SCRT1: variants seen among roughly 807,000 people sequenced by gnomAD.
The protein encoded by SCRT1 is scratch family transcriptional repressor 1.
SCRT1 carries 1 observed loss-of-function variant against 3.4 expected under a neutral mutation model. The ratio of observed to expected loss-of-function variants is 0.29; its 90% confidence interval spans 0.10 to 1.39. SCRT1 has a LOEUF of 1.39. SCRT1 is among the 40% of genes most tolerant of loss of function. SCRT1 has a pLI of 0.42. For synonymous variants in SCRT1, 238 were observed against 247.0 expected (o/e 0.96, Z 0.34); for missense variants, 380 against 526.3 (o/e 0.72, Z 2.72).
chr8:144,334,290 A>T (rs2130572826), intron 1 of SCRT1, among the ~76,000 whole-genome samples, 174 bp from the exon 2 acceptor site: 1 of 151,858 alleles, frequency 6.6e-6, no homozygotes, highest in East Asian at 2.0e-4. Context: ...GGCAGGGAGG[A>T]TGGAGACAGC....
rs1817768279 is a variant in SCRT1 at position 144,331,917 on chromosome 8, G to A, written c.*1268C>T. ...CAGCCCCGGGTAGGATCGGGAGGAG[G>A]GGTGGGGCTGCATGCAGTGACGTCA... is the stretch of plus-strand genomic sequence containing the variant. On this transcript the variant is annotated 3_prime_UTR_variant, in exon 2 of 2. Coordinates refer to ENST00000569446, the MANE Select transcript of SCRT1 (RefSeq NM_031309.6). 1 of 152,504 alleles carries A rather than the reference G, an allele frequency of 6.6e-6. No individual in the cohort carries two copies. The highest frequency in any genetic ancestry group is 2.1e-4 in the South Asian group (1 of 4,836). 9.4% of individuals were successfully genotyped at this position (152,504 alleles called of 1,614,324 possible). A position where few individuals can be genotyped will look rare whatever the true frequency, so the allele number is the denominator to read the frequency against.
In SCRT1 at chr8:144,333,415, C is replaced by T. The variant is rs782231338; in HGVS notation, c.817G>A (p.Glu273Lys). 1.9e-6 allele frequency: 3 copies of T among 1,603,510 alleles called. No individual in the cohort carries two copies. Among genetic ancestry groups the T allele is most frequent in the Non-Finnish European group, 2.5e-6 (3 of 1,176,740 alleles). The stretch of plus-strand genomic sequence containing the variant: ...CAGTGCGCGCAGCCGAAGGGTTTCT[C>T]GCCGGTGTGCGAGCGCATGTGGCCC... ...LQGHMRSHTG[E>K]KPFGCAHCGK... The change falls in exon 2 of 2, where the codon GAG becomes AAG. Residue 273 changes from glutamate (E) to lysine (K), a missense_variant. By Grantham distance (56) the Glu-to-Lys change is moderately conservative (BLOSUM62 1). Around this residue, in one of 5 missense-constraint regions of SCRT1, gnomAD observed 56 missense variants for 169.3 expected, o/e 0.33. Transcript: ENST00000569446.
In SCRT1 at chr8:144,331,193, C is replaced by T. The variant is rs1476828747; in HGVS notation, c.*1992G>A. 6.6e-6 allele frequency: 1 copy of T among 152,366 alleles called. No homozygotes were observed. The highest frequency in any genetic ancestry group is 1.5e-5 in the Non-Finnish European group (1 of 68,114). The allele number at this position is 152,366 out of a possible 1,614,324, so 9.4% of individuals were successfully genotyped here. A position where few individuals can be genotyped will look rare whatever the true frequency, so the allele number is the denominator to read the frequency against. ...GGTGGGTCATCCTTGTGGGGGCAGC[C>T]ACGCTTGCTGCTGGGGGTGAGGCTG... On this transcript the variant is annotated 3_prime_UTR_variant, in exon 2 of 2. Transcript: ENST00000569446.
chr8:144,334,795 C>T (rs1817861528), intron 1 of SCRT1, among the ~76,000 whole-genome samples: 1 of 152,120 alleles, frequency 6.6e-6, no homozygotes, highest in African/African-American at 2.4e-5. Flanking sequence ...CCTGCTCCTC[C>T]ATGCACTCTG....
intron 1 of SCRT1, among the ~76,000 whole-genome samples, chr8:144,334,627 C>T (rs1554850157): frequency 6.6e-6 from 1 of 152,108 alleles, no homozygotes; most frequent in African/African-American, 2.4e-5. Flanking sequence ...GGCTCTCCCT[C>T]TGGCCTGCAG....
intron 1 of SCRT1, 120 bp from the exon 2 acceptor site, chr8:144,334,236 C>T: frequency 1.3e-6 from 1 of 747,478 alleles, no homozygotes; most frequent in East Asian, 3.2e-5. Context: ...GGGAGAGAGG[C>T]GAACAGGGAG....
chr8:144,334,260 A>G, intron 1 of SCRT1, 144 bp from the exon 2 acceptor site: 1 of 614,594 alleles, frequency 1.6e-6, no homozygotes, highest in Non-Finnish European at 2.8e-6. Context: ...GACAAAGGAG[A>G]GGAGGCCGAG....
rs1401701480 is a variant in SCRT1, at chr8:144,335,505, TC to T, written c.115+549del. ...TGGGCGTCCCTTGCTCACAGCCTCC[TC>T]CCTGCTTCCTCTCCCTGACCCAGGC... is the stretch of plus-strand genomic sequence containing the variant. On this transcript the variant is annotated intron_variant, in intron 1 of 1. Coordinates refer to ENST00000569446, the MANE Select transcript of SCRT1 (RefSeq NM_031309.6). The surrounding 1 kb of genome is among the most constrained non-coding windows in gnomAD (Gnocchi z 7.7). 6.6e-6 allele frequency among the ~76,000 whole-genome samples: 1 copy of T among 152,144 alleles called. No homozygotes were observed.
Position 144,333,242 on chromosome 8 carries a change from G to A in SCRT1, c.990C>T (p.Gly330=), listed in dbSNP as rs782513578. The A allele has an allele frequency of 4.4e-6, 7 of 1,605,270 alleles. No individual in the cohort carries two copies. The highest frequency in any genetic ancestry group is 1.1e-5 in the South Asian group (1 of 89,986). ...CAGGAGCCGCGGGGCCTCCGGCGCC[G>A]CCCTTGAAGCAGGCCGACTCGTAGT... The part of the protein sequence containing the change: ...NKHYESACFK[G]GAGGPAAPAP... Residue 330 remains glycine (G), a synonymous_variant, in exon 2 of 2, where the codon GGC becomes GGT. Transcript: ENST00000569446.
Position 144,333,798 on chromosome 8 carries a change from G to T in SCRT1, c.434C>A (p.Pro145His). 8.2e-7 allele frequency: 1 copy of T among 1,215,546 alleles called. No homozygotes were observed. The highest frequency in any genetic ancestry group is 1.0e-6 in the Non-Finnish European group (1 of 978,048). 75.3% of individuals were successfully genotyped at this position (1,215,546 alleles called of 1,614,324 possible). A position where few individuals can be genotyped will look rare whatever the true frequency, so the allele number is the denominator to read the frequency against. ...GCCCCCGCCTCCGGCGTCGCCGTCG[G>T]GGGCCGCCGCCGAGGCTGTGGAGGG... ...AAPSTASAAA[P>H]DGDAGGGGGA... is the part of the protein sequence containing the mutation. The change falls in exon 2 of 2, where the codon CCC becomes CAC. Residue 145 changes from proline (P) to histidine (H), a missense_variant. By Grantham distance (77) the Pro-to-His change is moderately conservative (BLOSUM62 -2). Coordinates refer to ENST00000569446, the MANE Select transcript of SCRT1 (RefSeq NM_031309.6).
At position 144,330,724 on chromosome 8, in the gene SCRT1, G is replaced by A. The variant is rs797041118; in HGVS notation, c.*2461C>T. ...GGGGCACGGCCCGAGTAAAAATCCC[G>A]GCCTATTCCGGGTGGGAATATGTAC... On this transcript the variant is annotated 3_prime_UTR_variant, in exon 2 of 2. Coordinates refer to ENST00000569446, the MANE Select transcript of SCRT1 (RefSeq NM_031309.6). 6 of 148,538 alleles carry A rather than the reference G, an allele frequency of 4.0e-5. No homozygotes were observed. Among genetic ancestry groups the A allele is most frequent in the African/African-American group, 7.4e-5 (3 of 40,642 alleles). 9.2% of individuals were successfully genotyped at this position (148,538 alleles called of 1,614,324 possible). A position where few individuals can be genotyped will look rare whatever the true frequency, so the allele number is the denominator to read the frequency against.
At chr8:144,334,208 A>ACCGGGAGACCCGGGT (rs1817851317) in intron 1 of SCRT1, 92 bp from the exon 2 acceptor site, 2 of 942,230 alleles carry the variant, frequency 2.1e-6, no homozygotes, top group Non-Finnish European at 3.1e-6. Context: ...GCAGACGCGG[A>ACCGGGAGACCCGGGT]CCGGGAGACC....
rs781875190 is a variant in SCRT1, at chr8:144,336,199, C to G, written c.-30G>C. ...CCTGCGGGGCTCCGGCGCTGTGGGC[C>G]TGCGGAGCCGGGGCTTGGGGGGGCT... On this transcript the variant is annotated 5_prime_UTR_variant, in exon 1 of 2. Transcript: ENST00000569446. This position sits in a 1 kb window ranked among gnomAD's most constrained non-coding sequence, Gnocchi z 6.8. The G allele has an allele frequency of 2.3e-5, 35 of 1,510,018 alleles. No homozygotes were observed. Among genetic ancestry groups the G allele is most frequent in the Middle Eastern group, 1.7e-4 (1 of 5,716 alleles). The allele number at this position is 1,510,018 out of a possible 1,614,324, so 93.5% of individuals were successfully genotyped here.
rs1344495686 is a variant in SCRT1 at position 144,333,260 on chromosome 8, C to T, written c.972G>A (p.Glu324=). The T allele has an allele frequency of 5.6e-6, 9 of 1,611,212 alleles. No homozygotes were observed. The highest frequency in any genetic ancestry group is 1.6e-4 in the Middle Eastern group (1 of 6,082). ...CGGCGCCGCCCTTGAAGCAGGCCGA[C>T]TCGTAGTGCTTGTTGAGATAGGACT... The part of the protein sequence containing the change: ...ALKSYLNKHY[E]SACFKGGAGG... The change falls in exon 2 of 2, where the codon GAG becomes GAA. Residue 324 remains glutamate, a synonymous_variant. Coordinates refer to ENST00000569446, the MANE Select transcript of SCRT1 (RefSeq NM_031309.6).
Position 144,336,361 on chromosome 8 carries a change from C to T in SCRT1, c.-192G>A. On this transcript the variant is annotated 5_prime_UTR_variant, in exon 1 of 2. Coordinates refer to ENST00000569446, the MANE Select transcript of SCRT1 (RefSeq NM_031309.6). The surrounding 1 kb of genome is among the most constrained non-coding windows in gnomAD (Gnocchi z 6.8). ...GTCTCCTCCGTTGCCCCTCCGGATC[C>T]CTCTTCTTCCTCCTTCCTTCAATCC... 2 of 516,160 alleles carry T rather than the reference C, an allele frequency of 3.9e-6. No individual in the cohort carries two copies. The highest frequency in any genetic ancestry group is 6.9e-6 in the Non-Finnish European group (2 of 289,266). 32.0% of individuals were successfully genotyped at this position (516,160 alleles called of 1,614,324 possible). A position where few individuals can be genotyped will look rare whatever the true frequency, so the allele number is the denominator to read the frequency against.
At position 144,332,486 on chromosome 8, in the gene SCRT1, T is replaced by C. The variant is rs1817790678; in HGVS notation, c.*699A>G. Reference sequence around the variant, plus strand: ...GCGATTCGATATGTGTCATTATTATTCGATATGGAGGACAGAGCCCGGGAA... The same window carrying C: ...GCGATTCGATATGTGTCATTATTATCCGATATGGAGGACAGAGCCCGGGAA... On this transcript the variant is annotated 3_prime_UTR_variant, in exon 2 of 2. Coordinates refer to ENST00000569446, the MANE Select transcript of SCRT1 (RefSeq NM_031309.6). The C allele has an allele frequency of 1.3e-5, 2 of 152,528 alleles. No individual in the cohort carries two copies. The highest frequency in any genetic ancestry group is 2.9e-5 in the Non-Finnish European group (2 of 68,022). 9.4% of individuals were successfully genotyped at this position (152,528 alleles called of 1,614,324 possible). A position where few individuals can be genotyped will look rare whatever the true frequency, so the allele number is the denominator to read the frequency against.
At chr8:144,334,227 G>T in intron 1 of SCRT1, 111 bp from the exon 2 acceptor site, 2 of 821,898 alleles carry the variant, frequency 2.4e-6, no homozygotes, top group Admixed American at 2.6e-5. Context: ...CCCGGGTCCG[G>T]GAGAGAGGCG....
At position 144,332,264 on chromosome 8, in the gene SCRT1, G is replaced by T. The variant is rs2130567221; in HGVS notation, c.*921C>A. The T allele has an allele frequency of 6.6e-6, 1 of 152,406 alleles. No individual in the cohort carries two copies. The highest frequency in any genetic ancestry group is 2.4e-5 in the African/African-American group (1 of 41,542). The allele number at this position is 152,406 out of a possible 1,614,324, so 9.4% of individuals were successfully genotyped here. ...AATAAAACGTACAAATACAGAAAAAGAAACCCGACGCGTCCGCAACCCCCC... is the reference window on the plus strand; with the variant it reads ...AATAAAACGTACAAATACAGAAAAATAAACCCGACGCGTCCGCAACCCCCC... On this transcript the variant is annotated 3_prime_UTR_variant, in exon 2 of 2. Transcript: ENST00000569446.
In SCRT1 at chr8:144,333,023, G is replaced by T; in HGVS notation, c.*162C>A. On this transcript the variant is annotated 3_prime_UTR_variant, in exon 2 of 2. Coordinates refer to ENST00000569446, the MANE Select transcript of SCRT1 (RefSeq NM_031309.6). ...GGGACCCTATTGCTTGAAGGGGCCGGCAAGGCCCCTGGCGGGCGGGGCGGG... is the reference window on the plus strand; with the variant it reads ...GGGACCCTATTGCTTGAAGGGGCCGTCAAGGCCCCTGGCGGGCGGGGCGGG... 1 of 605,878 alleles carries T rather than the reference G, an allele frequency of 1.7e-6. No homozygotes were observed. Among genetic ancestry groups the T allele is most frequent in the Non-Finnish European group, 2.7e-6 (1 of 371,856 alleles). The allele number at this position is 605,878 out of a possible 1,614,324, so 37.5% of individuals were successfully genotyped here.
Sources: gnomAD v4.1 joint callset for allele counts (sites outside exome capture counted in the v4.1 genomes callset) on GRCh38, gnomAD v4.1.1 for gene constraint, gnomAD v4.1.1 regional missense constraint, Gnocchi (gnomAD v3.1) non-coding constraint, MANE v1.5 for transcripts, NCBI Gene and HGNC (gene_info 2026-07-23, HGNC 2026-07-21) for gene names.